The following LPP variants were observed in gnomAD, a reference collection of about 807,000 sequenced individuals.
LPP encodes LIM domain containing preferred translocation partner in lipoma, also known as lipoma-preferred partner.
Under a neutral mutation model 60.4 loss-of-function variants are expected in LPP, and 38 were observed. The observed-to-expected ratio is 0.63, with a 90% CI of 0.49 to 0.83. The LOEUF is 0.83. Ranked by LOEUF, LPP falls within the 40% of genes least tolerant of loss-of-function variation. The pLI, the probability that LPP is intolerant of heterozygous loss-of-function variation, is 0.00. For synonymous variants in LPP, 328 were observed against 290.8 expected (o/e 1.13, Z -1.30); for missense variants, 902 against 783.6 (o/e 1.15, Z -1.80).
chr3:188,827,830 C>A (rs1577828230), intron 9 of LPP, among the ~76,000 whole-genome samples: 1 of 152,278 alleles, frequency 6.6e-6, no homozygotes, highest in Non-Finnish European at 1.5e-5. Flanking sequence ...TCTTCACTGA[C>A]CCACAAGCAA....
chr3:188,539,028 A>T (rs985474724), intron 6 of LPP, among the ~76,000 whole-genome samples: 1 of 152,172 alleles, frequency 6.6e-6, no homozygotes, highest in African/African-American at 2.4e-5. Context: ...GACAATACAG[A>T]GTGGCTACTA....
intron 9 of LPP, 43 bp from the exon 10 acceptor site, chr3:188,866,157 C>T (rs372306665): frequency 3.7e-5 from 52 of 1,404,240 alleles, no homozygotes; most frequent in Non-Finnish European, 4.5e-5. Context: ...AGTATGGACC[C>T]CCTTCTGTCC....
intron 4 of LPP, among the ~76,000 whole-genome samples, chr3:188,427,853 G>T (rs908231409): frequency 2.0e-5 from 3 of 152,096 alleles, no homozygotes; most frequent in Non-Finnish European, 2.9e-5. Context: ...TGGGCTCTGT[G>T]GGGGTGGGGT....
Position 188,509,873 on chromosome 3 carries a change from G to GTTTTTTTTTTTTTTT in LPP, c.307-14789_307-14775dup, listed in dbSNP as rs35389820. Among the ~76,000 whole-genome samples, 7 of 111,042 alleles carry GTTTTTTTTTTTTTTT rather than the reference G, an allele frequency of 6.3e-5. 1 individual carries two copies. The highest frequency in any genetic ancestry group is 7.2e-5 in the African/African-American group (2 of 27,754). 72.8% of individuals were successfully genotyped at this position (111,042 alleles called of 152,430 possible). On this transcript the variant is annotated intron_variant, in intron 5 of 11. Transcript: ENST00000617246. ...ATGCCTGGCTAATTTTTTTTTTGTT[G>GTTTTTTTTTTTTTTT]TTTTTTTTTTTTTTTTTGCATCTTT...
intron 9 of LPP, among the ~76,000 whole-genome samples, chr3:188,815,774 A>G (rs1278361754): frequency 6.6e-6 from 1 of 152,226 alleles, no homozygotes; most frequent in Admixed American, 6.5e-5. Context: ...TAATCTGACC[A>G]TAATGTCATA....
At position 188,694,317 on chromosome 3, in the gene LPP, G is replaced by T. The variant is rs377072942; in HGVS notation, c.1114-13950G>T. Among the ~76,000 whole-genome samples, 10 of 152,234 alleles carry T rather than the reference G, an allele frequency of 6.6e-5. No individual in the cohort carries two copies. In the East Asian group the frequency reaches 9.7e-4, roughly 15 times the overall value. On this transcript the variant is annotated intron_variant, in intron 7 of 11. Coordinates refer to ENST00000617246, the MANE Select transcript of LPP (RefSeq NM_001375462.1). ...TTATTATTTTATTTTACTATTTTAAGATTTAACATTAATTCTCTAGCTTAT... is the reference window on the plus strand; with the variant it reads ...TTATTATTTTATTTTACTATTTTAATATTTAACATTAATTCTCTAGCTTAT...
chr3:188,274,055 G>C (rs1738802914), intron 2 of LPP, among the ~76,000 whole-genome samples: 1 of 152,050 alleles, frequency 6.6e-6, no homozygotes, highest in South Asian at 2.1e-4. Context: ...TTAAATGTCT[G>C]CTTTTTTCTT....
Position 188,610,340 on chromosome 3 carries a change from C to T in LPP, c.1113+496C>T, listed in dbSNP as rs750094087. Among the ~76,000 whole-genome samples, 31 of 152,090 alleles carry T rather than the reference C, an allele frequency of 2.0e-4. No homozygotes were observed. The highest frequency in any genetic ancestry group is 5.9e-4 in the Admixed American group (9 of 15,276). ...CTGTCAGGCTGTGGCCCTGTGAAGG[C>T]GATTATAACTCCCGCAATGTTGGTA... is the stretch of plus-strand genomic sequence containing the variant. On this transcript the variant is annotated intron_variant, in intron 7 of 11. Transcript: ENST00000617246. The surrounding 1 kb of genome is among the most constrained non-coding windows in gnomAD (Gnocchi z 4.4).
chr3:188,551,113 G>A (rs1254055852), intron 6 of LPP, among the ~76,000 whole-genome samples: 1 of 152,098 alleles, frequency 6.6e-6, no homozygotes, highest in African/African-American at 2.4e-5. Flanking sequence ...CGCTGATAAG[G>A]ACATACCAGA....
At chr3:188,821,857 A>AGG (rs1754063276) in intron 9 of LPP, among the ~76,000 whole-genome samples, 1 of 152,182 alleles carries the variant, frequency 6.6e-6, no homozygotes, top group East Asian at 1.9e-4. Context: ...CTTACATATT[A>AGG]ATGTTGCAGA....
rs769813289 is a variant in LPP, at chr3:188,632,340, C to A, written c.1113+22496C>A. 4.5e-4 allele frequency among the ~76,000 whole-genome samples: 69 copies of A among 152,162 alleles called. 1 individual carries two copies. The highest frequency in any genetic ancestry group is 2.2e-4 in the Non-Finnish European group (15 of 68,028). ...CCTTCAGCTGAATGTTCAGGAAAAC[C>A]TTTATGAGGAAGTAGCATTTGATCT... is the stretch of plus-strand genomic sequence containing the variant. On this transcript the variant is annotated intron_variant, in intron 7 of 11. Transcript: ENST00000617246.
chr3:188,701,275 A>C (rs910695593), intron 7 of LPP, among the ~76,000 whole-genome samples: 1 of 152,182 alleles, frequency 6.6e-6, no homozygotes, highest in African/African-American at 2.4e-5. Flanking sequence ...ATTTGGCTGT[A>C]AATTTGGCTT....
chr3:188,853,237 G>A (rs1390615832), intron 9 of LPP, among the ~76,000 whole-genome samples: 1 of 152,188 alleles, frequency 6.6e-6, no homozygotes, highest in East Asian at 1.9e-4. Context: ...GTTCTCCCAA[G>A]ACCTCACCTC....
In LPP at chr3:188,248,313, G is replaced by A. The variant is rs78870867; in HGVS notation, c.-67+22786G>A. The stretch of plus-strand genomic sequence containing the variant: ...GCCTTCTTTTTATGCTTCTAGGAAC[G>A]TTTAAAAATGAGAGCAAGGAATATA... On this transcript the variant is annotated intron_variant, in intron 2 of 11. Transcript: ENST00000617246. Among the ~76,000 whole-genome samples, 235 of 151,576 alleles carry A rather than the reference G, an allele frequency of 1.6e-3. 1 individual carries two copies. The highest frequency in any genetic ancestry group is 5.4e-3 in the African/African-American group (223 of 41,132).
At chr3:188,381,940 C>T (rs540621497) in intron 3 of LPP, among the ~76,000 whole-genome samples, 2 of 146,568 alleles carry the variant, frequency 1.4e-5, no homozygotes, top group Non-Finnish European at 1.5e-5. Flanking sequence ...ACCCGATACA[C>T]CCAGCTATTT....
chr3:188,502,654 T>G (rs768809472), intron 5 of LPP, among the ~76,000 whole-genome samples: 1 of 152,196 alleles, frequency 6.6e-6, no homozygotes, highest in African/African-American at 2.4e-5. Context: ...CAGATGCTCC[T>G]TAAGTTGTGA....
intron 9 of LPP, among the ~76,000 whole-genome samples, chr3:188,800,530 C>A (rs1472085644): frequency 6.6e-6 from 1 of 152,128 alleles, no homozygotes; most frequent in Non-Finnish European, 1.5e-5. Context: ...CAGGCGTGAG[C>A]CACCACACCC....
chr3:188,261,744 CAA>C (rs10565919), intron 2 of LPP, among the ~76,000 whole-genome samples: 35,787 of 146,520 alleles, frequency 0.24, 6,179 homozygotes, highest in African/African-American at 0.5. Context: ...CCTGTCTCTC[CAA>C]AAAAAAAAAA....
At chr3:188,477,201 A>T (rs1432613017) in intron 4 of LPP, among the ~76,000 whole-genome samples, 2 of 152,186 alleles carry the variant, frequency 1.3e-5, no homozygotes, top group African/African-American at 4.8e-5. Flanking sequence ...TGACATTCTG[A>T]TCCTTTGCTT....
Sources: allele counts gnomAD v4.1 joint callset (sites outside exome capture counted in the v4.1 genomes callset), GRCh38; gene constraint gnomAD v4.1.1; non-coding constraint Gnocchi (gnomAD v3.1); transcripts MANE v1.5; gene names NCBI Gene and HGNC (gene_info 2026-07-23, HGNC 2026-07-21).